Variants in ERCC6L2 observed in about 807,000 individuals in gnomAD.
ERCC6L2 encodes the protein ERCC excision repair 6 like 2, also known as DNA excision repair protein ERCC-6-like 2.
ERCC6L2 carries 77 observed loss-of-function variants against 132.0 expected under a neutral mutation model. The observed-to-expected ratio is 0.58, with a 90% confidence interval of 0.49 to 0.71. The LOEUF is 0.71. Ranked by LOEUF, ERCC6L2 falls within the 30% of genes least tolerant of loss-of-function variation. The pLI is 0.00. For synonymous variants in ERCC6L2, 583 were observed against 632.4 expected (o/e 0.92, Z 1.17); for missense variants, 1,542 against 1,837.6 (o/e 0.84, Z 2.94).
At chr9:95,910,221 T>C (rs1829280216) in intron 4 of ERCC6L2, among the ~76,000 whole-genome samples, 1 of 152,216 alleles carries the variant, frequency 6.6e-6, no homozygotes, top group Non-Finnish European at 1.5e-5. Flanking sequence ...TTCACCTCTG[T>C]CAGCATTTAA....
chr9:95,930,962 G>A lies in ERCC6L2; in HGVS notation c.1751+2098G>A, dbSNP rs149710020. Among the ~76,000 whole-genome samples the A allele has an allele frequency of 2.9e-3, 437 of 152,150 alleles. 1 individual carries two copies. The highest frequency in any genetic ancestry group is 9.8e-3 in the African/African-American group (408 of 41,488). ...TTCAATAAGCCCTGTACCAGTAACC[G>A]GTTATTGTCCATAGGTTGGCATTAA... On this transcript the variant is annotated intron_variant, in intron 11 of 18. Transcript: ENST00000653738.
intron 15 of ERCC6L2, among the ~76,000 whole-genome samples, chr9:95,971,136 G>A (rs1459104027): frequency 6.6e-6 from 1 of 151,996 alleles, no homozygotes; most frequent in African/African-American, 2.4e-5. Context: ...CATCTTAAAG[G>A]TAAAAAACAT....
rs781189850 is a variant in ERCC6L2, at chr9:95,875,963, C to G, written c.-76C>G. 1.3e-6 allele frequency: 2 copies of G among 1,504,120 alleles called. No individual in the cohort carries two copies. The highest frequency in any genetic ancestry group is 2.4e-5 in the South Asian group (2 of 82,910). 93.2% of individuals were successfully genotyped at this position (1,504,120 alleles called of 1,614,324 possible). A position where few individuals can be genotyped will look rare whatever the true frequency, so the allele number is the denominator to read the frequency against. ...GTGGCGTTGGCCGCCATTGGCCTGC[C>G]GGCCAGCCACCTTGCTGTCCTCCGC... On this transcript the variant is annotated 5_prime_UTR_variant, in exon 1 of 19. Transcript: ENST00000653738.
At chr9:95,974,906 CTT>C (rs1006080466) in intron 16 of ERCC6L2, among the ~76,000 whole-genome samples, 4 of 152,050 alleles carry the variant, frequency 2.6e-5, no homozygotes, top group African/African-American at 9.7e-5. Context: ...TATTTAGCCT[CTT>C]TATTATATGT....
rs1834217343 is a variant in ERCC6L2 at position 96,018,008 on chromosome 9, A to C, written c.*4805A>C. Among the ~76,000 whole-genome samples the C allele has an allele frequency of 6.6e-6, 1 of 152,228 alleles. No homozygotes were observed. The highest frequency in any genetic ancestry group is 1.5e-5 in the Non-Finnish European group (1 of 68,044). ...GACACAGAAGGACAAATACTGTATG[A>C]TTCCACTTATATAAAGTACCTAGAT... On this transcript the variant is annotated 3_prime_UTR_variant, in exon 19 of 19. Coordinates refer to ENST00000653738, the MANE Select transcript of ERCC6L2 (RefSeq NM_020207.7).
chr9:95,928,029 T>G, intron 9 of ERCC6L2, 50 bp from the exon 10 acceptor site: 1 of 1,220,258 alleles, frequency 8.2e-7, no homozygotes, highest in East Asian at 2.3e-5. Flanking sequence ...ATGTATAAAG[T>G]GTACTTTTAG....
At chr9:95,991,086 C>T (rs553500503) in intron 17 of ERCC6L2, among the ~76,000 whole-genome samples, 1 of 152,010 alleles carries the variant, frequency 6.6e-6, no homozygotes, top group East Asian at 2.0e-4. Flanking sequence ...TGCCGCTCAG[C>T]TGCTTGTGTT....
intron 3 of ERCC6L2, among the ~76,000 whole-genome samples, chr9:95,906,397 T>C (rs774755317): frequency 1.3e-5 from 2 of 152,082 alleles, no homozygotes; most frequent in Non-Finnish European, 2.9e-5. Flanking sequence ...TTCTGCAGCA[T>C]TGACTTTAGG....
At chr9:95,932,619 C>G (rs1343625838) in intron 11 of ERCC6L2, among the ~76,000 whole-genome samples, 2 of 152,062 alleles carry the variant, frequency 1.3e-5, no homozygotes, top group African/African-American at 4.8e-5. Context: ...CATGGTATCT[C>G]TTTATATTTA....
chr9:95,906,066 G>C (rs1465444735), intron 3 of ERCC6L2, among the ~76,000 whole-genome samples: 1 of 152,156 alleles, frequency 6.6e-6, no homozygotes, highest in Non-Finnish European at 1.5e-5. Flanking sequence ...GTACATGAAT[G>C]TGAGGAATAA....
At chr9:96,036,099 G>A (rs867422726) in intron 19 of ERCC6L2, among the ~76,000 whole-genome samples, 1 of 152,082 alleles carries the variant, frequency 6.6e-6, no homozygotes, top group Non-Finnish European at 1.5e-5. Flanking sequence ...ATATTTAAGT[G>A]CACATTCCAG....
At chr9:95,965,598 T>C (rs1333409142) in intron 13 of ERCC6L2, among the ~76,000 whole-genome samples, 1 of 152,060 alleles carries the variant, frequency 6.6e-6, no homozygotes, top group Non-Finnish European at 1.5e-5. Context: ...CAGATTCCAC[T>C]AGGTTCAAGC....
chr9:95,935,932 G>A (rs1355234242), intron 11 of ERCC6L2, among the ~76,000 whole-genome samples: 1 of 152,142 alleles, frequency 6.6e-6, no homozygotes, highest in African/African-American at 2.4e-5. Context: ...CAGATGAGTA[G>A]TACACTTAGT....
At position 96,012,509 on chromosome 9, in the gene ERCC6L2, C is replaced by G. The variant is rs758693976; in HGVS notation, c.3959C>G (p.Thr1320Ser). The G allele has an allele frequency of 1.5e-6, 2 of 1,367,368 alleles. No individual in the cohort carries two copies. The highest frequency in any genetic ancestry group is 9.1e-5 in the East Asian group (2 of 21,998). 84.7% of individuals were successfully genotyped at this position (1,367,368 alleles called of 1,614,324 possible). A position where few individuals can be genotyped will look rare whatever the true frequency, so the allele number is the denominator to read the frequency against. ...GAAACCTTGTCATTTAAAGATTCTA[C>G]CAACAAAATTTCTCAAGTTTGCAGC... Reference protein sequence around the residue: ...DSETLSFKDSTNKISQVCSLK... With the variant: ...DSETLSFKDSSNKISQVCSLK... Residue 1320 changes from threonine (T) to serine (S), a missense_variant, in exon 19 of 19, where the codon ACC becomes AGC. Coordinates refer to ENST00000653738, the MANE Select transcript of ERCC6L2 (RefSeq NM_020207.7).
intron 17 of ERCC6L2, among the ~76,000 whole-genome samples, chr9:95,979,065 G>T (rs1327278926): frequency 2.0e-5 from 3 of 152,140 alleles, no homozygotes; most frequent in Admixed American, 2.0e-4. Context: ...TAAACTGAAA[G>T]TTTAAGACAG....
At chr9:95,961,439 G>T (rs1168892743) in intron 13 of ERCC6L2, among the ~76,000 whole-genome samples, 1 of 152,114 alleles carries the variant, frequency 6.6e-6, no homozygotes, top group African/African-American at 2.4e-5. Flanking sequence ...ACAGAGCATG[G>T]CCCTATGGAC....
At chr9:96,039,482 G>T (rs186811264) in intron 20 of ERCC6L2, among the ~76,000 whole-genome samples, 2 of 152,276 alleles carry the variant, frequency 1.3e-5, no homozygotes, top group Admixed American at 1.3e-4. Flanking sequence ...GGCAAAGTTT[G>T]GGGAGGGGGA....
chr9:95,886,282 G>T (rs757473432), intron 2 of ERCC6L2, among the ~76,000 whole-genome samples: 9 of 152,086 alleles, frequency 5.9e-5, no homozygotes, highest in Non-Finnish European at 8.8e-5. Context: ...CTCTCAAAGT[G>T]CTGGGATTAC....
At chr9:95,898,067 T>C in intron 3 of ERCC6L2, 96 bp downstream of exon 3, 1 of 1,140,776 alleles carries the variant, frequency 8.8e-7, no homozygotes. Flanking sequence ...TGTATTGGTA[T>C]ACATTTTAAA....
Sources: gnomAD v4.1 joint callset for allele counts (sites outside exome capture counted in the v4.1 genomes callset) on GRCh38, gnomAD v4.1.1 for gene constraint, MANE v1.5 for transcripts, NCBI Gene and HGNC (gene_info 2026-07-23, HGNC 2026-07-21) for gene names.